Variants in TYW1 observed in about 807,000 individuals in gnomAD.
TYW1 encodes tRNA-yW synthesizing protein 1 homolog.
A neutral mutation model predicts 96.2 loss-of-function variants in TYW1; 46 were observed. The ratio of observed to expected loss-of-function variants is 0.48; its 90% CI spans 0.38 to 0.61. The LOEUF is 0.61. Among genes scored for constraint, TYW1 ranks in the 20% least tolerant of loss-of-function variants. TYW1 has a pLI of 0.00. For synonymous variants in TYW1, 274 were observed against 323.0 expected (o/e 0.85, Z 1.63); for missense variants, 684 against 909.6 (o/e 0.75, Z 3.19).
intron 13 of TYW1, among the ~76,000 whole-genome samples, chr7:67,130,143 G>A (rs1001617486): frequency 9.9e-5 from 15 of 152,080 alleles, no homozygotes; most frequent in African/African-American, 3.6e-4. Flanking sequence ...CACTTTGGGA[G>A]GCTGAGGTGG....
At chr7:67,177,065 A>G (rs549399497) in intron 13 of TYW1, among the ~76,000 whole-genome samples, 8 of 152,368 alleles carry the variant, frequency 5.3e-5, no homozygotes, top group South Asian at 2.1e-4. Flanking sequence ...TATTGAGACA[A>G]TGAGAAACAA....
chr7:67,211,753 GTGTA>G (rs1179639407), intron 15 of TYW1, among the ~76,000 whole-genome samples: 13 of 152,332 alleles, frequency 8.5e-5, no homozygotes, highest in African/African-American at 3.1e-4. Context: ...TTCGACTGCA[GTGTA>G]TATAGCGGCG....
At chr7:67,209,874 T>C (rs1380343658) in intron 15 of TYW1, among the ~76,000 whole-genome samples, 3 of 152,068 alleles carry the variant, frequency 2.0e-5, no homozygotes, top group Non-Finnish European at 4.4e-5. Context: ...CCTGGCCAAT[T>C]ATTTTTTTTT....
chr7:67,189,298 G>A (rs1216124715), intron 14 of TYW1, among the ~76,000 whole-genome samples: 1 of 142,922 alleles, frequency 7.0e-6, no homozygotes, highest in Non-Finnish European at 1.5e-5. Flanking sequence ...GTGTGTTTAT[G>A]TGTGTGGTGT....
chr7:67,169,914 A>G lies in TYW1; in HGVS notation c.1699-13212A>G, dbSNP rs562727908. 4.6e-5 allele frequency among the ~76,000 whole-genome samples: 7 copies of G among 152,316 alleles called. No homozygotes were observed. In the South Asian group the frequency reaches 1.2e-3, roughly 27 times the overall value. On this transcript the variant is annotated intron_variant, in intron 13 of 15. Coordinates refer to ENST00000359626, the MANE Select transcript of TYW1 (RefSeq NM_018264.4). ...TTGCTGGGTCATATAGTAATTCTAT[A>G]TTTAACTTTTTCAGGAGCTGCCAAC...
intron 15 of TYW1, among the ~76,000 whole-genome samples, chr7:67,204,979 A>G (rs1800735347): frequency 6.6e-6 from 1 of 152,026 alleles, no homozygotes; most frequent in African/African-American, 2.4e-5. Context: ...ACCAACGCAC[A>G]TACCACGTTG....
At chr7:67,035,875 C>T (rs1245663269) in intron 7 of TYW1, among the ~76,000 whole-genome samples, 4 of 151,552 alleles carry the variant, frequency 2.6e-5, no homozygotes, top group Admixed American at 1.3e-4. Context: ...GACGAGGTTT[C>T]ACCGTGTTAG....
At chr7:67,234,572 CTA>C (rs940272159) in intron 15 of TYW1, among the ~76,000 whole-genome samples, 3 of 152,226 alleles carry the variant, frequency 2.0e-5, no homozygotes, top group Non-Finnish European at 4.4e-5. Flanking sequence ...GTCCCCCACA[CTA>C]TGGCATTTTG....
chr7:67,220,015 G>A (rs1801333283), intron 15 of TYW1, among the ~76,000 whole-genome samples: 1 of 150,202 alleles, frequency 6.7e-6, no homozygotes, highest in African/African-American at 2.5e-5. Context: ...ATAGCTATAA[G>A]TTCTTACCTT....
intron 13 of TYW1, among the ~76,000 whole-genome samples, chr7:67,118,687 G>T (rs181688956): frequency 2.0e-5 from 3 of 151,770 alleles, no homozygotes; most frequent in Non-Finnish European, 1.5e-5. Context: ...TTGAGGTCAG[G>T]AGTTCAAGAC....
intron 11 of TYW1, among the ~76,000 whole-genome samples, chr7:67,095,708 CAG>C (rs879634456): frequency 0.15 from 19,459 of 128,290 alleles, 1,390 homozygotes; most frequent in African/African-American, 0.21. Context: ...ACAGCAGCAG[CAG>C]CAGCAGCAGC....
intron 15 of TYW1, among the ~76,000 whole-genome samples, chr7:67,207,439 T>C (rs531434638): frequency 1.3e-5 from 2 of 152,348 alleles, no homozygotes; most frequent in South Asian, 4.1e-4. Flanking sequence ...CTATTTTGTA[T>C]GTCATCAGTG....
chr7:67,009,691 A>G lies in TYW1; in HGVS notation c.375+7A>G. ...TGATCATCTGATAGAAGAGGTTGGT[A>G]ATTGTCTTTTTCTTCAGTCAAAACT... On this transcript the variant is annotated splice_region_variant and intron_variant, in intron 4 of 15. Coordinates refer to ENST00000359626, the MANE Select transcript of TYW1 (RefSeq NM_018264.4). The G allele has an allele frequency of 6.3e-7, 1 of 1,584,914 alleles. No individual in the cohort carries two copies. Among genetic ancestry groups the G allele is most frequent in the Non-Finnish European group, 8.6e-7 (1 of 1,168,936 alleles).
At chr7:67,071,925 A>C (rs1796042751) in intron 10 of TYW1, among the ~76,000 whole-genome samples, 1 of 151,192 alleles carries the variant, frequency 6.6e-6, no homozygotes, top group South Asian at 2.1e-4. Flanking sequence ...CCCGGCCTGG[A>C]ACACTCTTTT....
intron 9 of TYW1, among the ~76,000 whole-genome samples, chr7:67,058,135 C>T (rs1385373396): frequency 1.3e-5 from 2 of 152,026 alleles, no homozygotes; most frequent in Non-Finnish European, 2.9e-5. Flanking sequence ...AGGGTTTCAC[C>T]GTGTTAGCCA....
chr7:67,065,070 G>A (rs1399857648), intron 9 of TYW1, among the ~76,000 whole-genome samples: 1 of 152,190 alleles, frequency 6.6e-6, no homozygotes, highest in African/African-American at 2.4e-5. Flanking sequence ...TAGTCCTTCA[G>A]TATTGGATTT....
chr7:67,199,848 A>T (rs192546338), intron 15 of TYW1, among the ~76,000 whole-genome samples: 1 of 152,286 alleles, frequency 6.6e-6, no homozygotes, highest in Admixed American at 6.5e-5. Context: ...AAAGTAACAT[A>T]TTTAAAGTAC....
At chr7:67,006,334 C>G (rs1793586828) in intron 3 of TYW1, among the ~76,000 whole-genome samples, 1 of 152,058 alleles carries the variant, frequency 6.6e-6, no homozygotes, top group Admixed American at 6.6e-5. Context: ...CTGAGGCCTC[C>G]TCAGAAGCAG....
chr7:67,006,735 C>T (rs548654126), intron 3 of TYW1, among the ~76,000 whole-genome samples: 89 of 151,908 alleles, frequency 5.9e-4, no homozygotes, highest in African/African-American at 1.9e-3. Flanking sequence ...CCACCATGCC[C>T]GGCCAGGTAT....
Sources: gnomAD v4.1 joint callset for allele counts (sites outside exome capture counted in the v4.1 genomes callset) on GRCh38, gnomAD v4.1.1 for gene constraint, MANE v1.5 for transcripts, NCBI Gene and HGNC (gene_info 2026-07-23, HGNC 2026-07-21) for gene names.